Variants in SRGAP2 observed in about 807,000 individuals in gnomAD.
SRGAP2 encodes the protein SLIT-ROBO Rho GTPase-activating protein 2.
In SRGAP2, 15 loss-of-function variants were observed where a neutral mutation model predicts 57.2. That is an observed-to-expected ratio of 0.26 (90% CI 0.18 to 0.40). The LOEUF (loss-of-function observed/expected upper bound fraction) is 0.40. Among genes scored for constraint, SRGAP2 ranks in the 10% least tolerant of loss-of-function variants. The probability of loss-of-function intolerance (pLI) is 1.00; values close to 1 mark genes in which losing one functional copy is unlikely to be tolerated. For synonymous variants in SRGAP2, 249 were observed against 248.0 expected, an observed-to-expected ratio of 1.00 and a Z score of -0.04; for missense variants, 520 against 669.6, an observed-to-expected ratio of 0.78 and a Z score of 2.47.
chr1:206,395,833 A>T (rs1269291444), intron 7 of SRGAP2, among the ~76,000 whole-genome samples: 20 of 120,380 alleles, frequency 1.7e-4, no homozygotes, highest in Admixed American at 3.8e-4. Flanking sequence ...TTCATCATTT[A>T]AAAAAAAAAA....
intron 18 of SRGAP2, 88 bp from the exon 19 acceptor site, chr1:206,450,298 C>T (rs1489203759): frequency 2.8e-6 from 2 of 715,994 alleles, no homozygotes; most frequent in Non-Finnish European, 5.2e-6. Context: ...GGATTCAGTG[C>T]CCTCGCGCCA....
chr1:206,207,447 G>C (rs1571563510), intron 2 of SRGAP2: 1 of 150,944 alleles, frequency 6.6e-6, no homozygotes, highest in East Asian at 2.0e-4. Context: ...GATAGCTTCA[G>C]TTGAACTGGG....
intron 2 of SRGAP2, among the ~76,000 whole-genome samples, chr1:206,262,925 G>T: frequency 2.0e-5 from 2 of 98,472 alleles, no homozygotes. Flanking sequence ...TCAAATTGTT[G>T]GATATTTTCC....
intron 19 of SRGAP2, among the ~76,000 whole-genome samples, chr1:206,452,746 C>T (rs927112396): frequency 6.6e-6 from 1 of 151,846 alleles, no homozygotes; most frequent in African/African-American, 2.4e-5. Context: ...ATTAGCTGGG[C>T]GTGGTGGCAC....
intron 2 of SRGAP2, among the ~76,000 whole-genome samples, chr1:206,240,982 G>A (rs528722107): frequency 2.6e-5 from 4 of 152,306 alleles, no homozygotes; most frequent in South Asian, 2.1e-4. Flanking sequence ...CCAGGAGTTC[G>A]AGAGCAGCCT....
At chr1:206,362,958 A>G (rs2102997152) in intron 4 of SRGAP2, among the ~76,000 whole-genome samples, 1 of 151,330 alleles carries the variant, frequency 6.6e-6, no homozygotes, top group East Asian at 2.0e-4. Flanking sequence ...CACATAAGCT[A>G]TGATGATACA....
At chr1:206,448,757 C>G (rs1027850733) in intron 18 of SRGAP2, among the ~76,000 whole-genome samples, 2 of 152,192 alleles carry the variant, frequency 1.3e-5, no homozygotes, top group Non-Finnish European at 2.9e-5. Context: ...CCCGCCACCC[C>G]CACCATCTCA....
intron 22 of SRGAP2, among the ~76,000 whole-genome samples, chr1:206,459,768 G>T (rs1553379823): frequency 1.3e-5 from 2 of 152,170 alleles, no homozygotes; most frequent in South Asian, 2.1e-4. Flanking sequence ...TAGAGGCTGG[G>T]CATGGTCTCT....
chr1:206,269,174 C>T (rs1372726487), intron 2 of SRGAP2, among the ~76,000 whole-genome samples: 1 of 147,850 alleles, frequency 6.8e-6, no homozygotes, highest in African/African-American at 2.6e-5. Context: ...TACAAAACAA[C>T]TTGGATGAAT....
chr1:206,449,286 A>ATT (rs35698284), intron 18 of SRGAP2, among the ~76,000 whole-genome samples: 118 of 110,684 alleles, frequency 1.1e-3, no homozygotes, highest in African/African-American at 2.1e-3. Context: ...ACACTGGATG[A>ATT]TTTTTTTTTT....
At chr1:206,394,038 CTTTTTTTTTTTTTTTT>C (rs577375533) in intron 7 of SRGAP2, among the ~76,000 whole-genome samples, 1 of 49,900 alleles carries the variant, frequency 2.0e-5, no homozygotes, top group Non-Finnish European at 3.2e-5. Flanking sequence ...TACTTTCTTC[CTTTTTTTTTTTTTTTT>C]TTTTTTTTTT....
intron 14 of SRGAP2, among the ~76,000 whole-genome samples, chr1:206,432,656 A>AT (rs1661375362): frequency 6.6e-6 from 1 of 152,236 alleles, no homozygotes; most frequent in Non-Finnish European, 1.5e-5. Context: ...AGTGAAAAAA[A>AT]CAAAATGTGA....
chr1:206,418,728 A>G (rs1255896362), intron 11 of SRGAP2, among the ~76,000 whole-genome samples: 2 of 152,194 alleles, frequency 1.3e-5, no homozygotes, highest in African/African-American at 2.4e-5. Flanking sequence ...ATTGAGAACC[A>G]TGATTTGCTA....
chr1:206,334,361 A>T (rs1329821342), intron 3 of SRGAP2, among the ~76,000 whole-genome samples: 1 of 151,160 alleles, frequency 6.6e-6, no homozygotes, highest in African/African-American at 2.4e-5. Flanking sequence ...CAAATAACAC[A>T]TGAGAACTGA....
At chr1:206,334,403 G>A (rs1387799792) in intron 3 of SRGAP2, among the ~76,000 whole-genome samples, 2 of 151,730 alleles carry the variant, frequency 1.3e-5, no homozygotes, top group South Asian at 4.2e-4. Flanking sequence ...TGATGACTGT[G>A]TAGACTTCAT....
At chr1:206,303,888 TCACACACACACACACA>T (rs1172123806) in intron 3 of SRGAP2, among the ~76,000 whole-genome samples, 2 of 138,368 alleles carry the variant, frequency 1.4e-5, no homozygotes, top group East Asian at 2.1e-4. Flanking sequence ...TCTCTCTCTC[TCACACACACACACACA>T]CACACACACA....
chr1:206,352,792 G>A (rs1250657040), intron 4 of SRGAP2, among the ~76,000 whole-genome samples: 1 of 150,824 alleles, frequency 6.6e-6, no homozygotes, highest in Non-Finnish European at 1.5e-5. Context: ...TTGCTTACTT[G>A]TATGTAATAT....
chr1:206,327,714 T>A (rs1164265742), intron 3 of SRGAP2, among the ~76,000 whole-genome samples: 4 of 115,804 alleles, frequency 3.5e-5, no homozygotes, highest in Non-Finnish European at 6.7e-5. Flanking sequence ...TATTCATTTT[T>A]GTTTAAGACA....
intron 2 of SRGAP2, chr1:206,296,960 T>G (rs1671631048): frequency 6.6e-6 from 1 of 151,434 alleles, no homozygotes; most frequent in Non-Finnish European, 1.5e-5. Context: ...GTGCGCATAC[T>G]CATTTGTTTA....
Sources: gnomAD v4.1 joint callset for allele counts (sites outside exome capture counted in the v4.1 genomes callset) on GRCh38, gnomAD v4.1.1 for gene constraint, MANE v1.5 for transcripts, NCBI Gene and HGNC (gene_info 2026-07-23, HGNC 2026-07-21) for gene names.